The following PTPRD variants were observed in gnomAD, a reference collection of about 807,000 sequenced individuals.
PTPRD encodes receptor-type tyrosine-protein phosphatase delta.
Under a neutral mutation model 214.5 loss-of-function variants are expected in PTPRD, and 34 were observed. The observed-to-expected ratio is 0.16, with a 90% CI of 0.12 to 0.21. The LOEUF (loss-of-function observed/expected upper bound fraction) is 0.21, where lower values mean the gene tolerates loss of function less well. Ranked by LOEUF, PTPRD falls within the 10% of genes least tolerant of loss-of-function variation. PTPRD has a pLI of 1.00. For synonymous variants in PTPRD, 1,128 were observed against 845.7 expected, an observed-to-expected ratio of 1.33 and a Z score of -5.79; for missense variants, 2,545 against 2,398.7, an observed-to-expected ratio of 1.06 and a Z score of -1.27.
chr9:9,170,261 A>G (rs2099911854), intron 10 of PTPRD, among the ~76,000 whole-genome samples: 1 of 152,176 alleles, frequency 6.6e-6, no homozygotes. Context: ...ACCCATACCA[A>G]AAATGTTCAT....
intron 3 of PTPRD, among the ~76,000 whole-genome samples, chr9:10,198,686 G>A (rs975824954): frequency 6.6e-6 from 1 of 152,032 alleles, no homozygotes; most frequent in African/African-American, 2.4e-5. Context: ...CAACTGAAAA[G>A]GTTTACTTAA....
intron 27 of PTPRD, among the ~76,000 whole-genome samples, chr9:8,487,813 A>G (rs2097060156): frequency 1.4e-5 from 1 of 73,264 alleles, no homozygotes; most frequent in South Asian, 3.7e-4. Flanking sequence ...CCGTCTCAAA[A>G]ACAAACAAAC....
At chr9:8,352,970 G>A (rs2075926986) in intron 39 of PTPRD, among the ~76,000 whole-genome samples, 1 of 152,064 alleles carries the variant, frequency 6.6e-6, no homozygotes. Context: ...AATTAGCTGG[G>A]CGTGGTGGCA....
chr9:8,316,304 C>A lies in PTPRD; in HGVS notation c.*1570G>T. The A allele has an allele frequency of 4.3e-6, 1 of 230,772 alleles. No homozygotes were observed. The highest frequency in any genetic ancestry group is 8.6e-6 in the Non-Finnish European group (1 of 116,312). 14.3% of individuals were successfully genotyped at this position (230,772 alleles called of 1,614,324 possible). A position where few individuals can be genotyped will look rare whatever the true frequency, so the allele number is the denominator to read the frequency against. ...AGTGAATGGAAATACGAACCAAAAG[C>A]TAAAAAGAAATGCTATTAAAATAGG... On this transcript the variant is annotated 3_prime_UTR_variant, in exon 46 of 46. Transcript: ENST00000381196.
intron 9 of PTPRD, among the ~76,000 whole-genome samples, chr9:9,295,840 A>T (rs1952815821): frequency 6.6e-6 from 1 of 151,828 alleles, no homozygotes; most frequent in African/African-American, 2.4e-5. Context: ...AGCATAATTC[A>T]GAGGCAACGC....
At chr9:9,610,285 C>T (rs1279798657) in intron 7 of PTPRD, among the ~76,000 whole-genome samples, 1 of 152,040 alleles carries the variant, frequency 6.6e-6, no homozygotes, top group African/African-American at 2.4e-5. Context: ...CAAAAAAATG[C>T]CGTATGAAAA....
chr9:9,326,644 G>GA (rs199601192), intron 9 of PTPRD, among the ~76,000 whole-genome samples: 4 of 150,544 alleles, frequency 2.7e-5, no homozygotes, highest in Non-Finnish European at 2.9e-5. Context: ...GAGCATTGAA[G>GA]ATTTTTTTTT....
At chr9:9,784,196 G>T (rs1431698206) in intron 5 of PTPRD, among the ~76,000 whole-genome samples, 1 of 151,864 alleles carries the variant, frequency 6.6e-6, no homozygotes, top group East Asian at 1.9e-4. Flanking sequence ...TAGTTTTAAG[G>T]GTCATAGTTT....
chr9:10,567,508 G>A (rs1325819845), intron 2 of PTPRD, among the ~76,000 whole-genome samples: 1 of 152,028 alleles, frequency 6.6e-6, no homozygotes, highest in Non-Finnish European at 1.5e-5. Flanking sequence ...TATTTTGAAA[G>A]ACAATCTGAA....
At chr9:9,308,926 G>A (rs1418085548) in intron 9 of PTPRD, among the ~76,000 whole-genome samples, 4 of 151,896 alleles carry the variant, frequency 2.6e-5, no homozygotes, top group African/African-American at 9.7e-5. Flanking sequence ...AAACTATTGT[G>A]GTGAGATTTA....
intron 5 of PTPRD, among the ~76,000 whole-genome samples, chr9:9,907,522 C>A (rs182982777): frequency 5.9e-5 from 9 of 152,112 alleles, no homozygotes; most frequent in African/African-American, 2.2e-4. Context: ...ACACATATCA[C>A]TGATGTCTAT....
chr9:10,426,143 T>C (rs1203186845), intron 2 of PTPRD, among the ~76,000 whole-genome samples: 1 of 152,014 alleles, frequency 6.6e-6, no homozygotes, highest in African/African-American at 2.4e-5. Flanking sequence ...ATACCTTCCC[T>C]TGCATGTGAA....
chr9:9,569,573 C>T (rs1305732872), intron 8 of PTPRD, among the ~76,000 whole-genome samples: 2 of 151,436 alleles, frequency 1.3e-5, no homozygotes, highest in African/African-American at 4.8e-5. Flanking sequence ...CCTAACACTT[C>T]GTTATCAACA....
chr9:8,844,257 G>C (rs185216630), intron 11 of PTPRD, among the ~76,000 whole-genome samples: 60 of 152,134 alleles, frequency 3.9e-4, no homozygotes, highest in Non-Finnish European at 7.6e-4. Flanking sequence ...CTCAACACTA[G>C]TTGCAAAGAA....
At chr9:10,125,622 TTG>T (rs35164422) in intron 3 of PTPRD, among the ~76,000 whole-genome samples, 26,895 of 139,106 alleles carry the variant, frequency 0.19, 2,640 homozygotes, top group South Asian at 0.37. Context: ...GCTCGGCTAA[TTG>T]TGTGTGTGTG....
intron 8 of PTPRD, among the ~76,000 whole-genome samples, chr9:9,463,169 G>C (rs139636692): frequency 6.6e-6 from 1 of 152,118 alleles, no homozygotes; most frequent in African/African-American, 2.4e-5. Context: ...GGCTCTCCCA[G>C]TTGTGAGGTC....
intron 34 of PTPRD, 36 bp from the exon 35 acceptor site, chr9:8,436,725 AC>A (rs779150793): frequency 2.5e-5 from 37 of 1,510,092 alleles, no homozygotes; most frequent in South Asian, 1.6e-4. Context: ...ACATTTGAAA[AC>A]AAATGAAAAT....
chr9:8,451,900 G>A (rs1345574618), intron 33 of PTPRD: 2 of 500,478 alleles, frequency 4.0e-6, no homozygotes, highest in East Asian at 5.5e-5. Context: ...ACTCTTACAG[G>A]TATTGTAGGG....
chr9:8,401,668 C>G (rs1040950934), intron 36 of PTPRD, among the ~76,000 whole-genome samples: 1 of 152,098 alleles, frequency 6.6e-6, no homozygotes, highest in Non-Finnish European at 1.5e-5. Flanking sequence ...TTTAATTTTT[C>G]CCTGTTATTC....
Sources: allele counts gnomAD v4.1 joint callset (sites outside exome capture counted in the v4.1 genomes callset), GRCh38; gene constraint gnomAD v4.1.1; transcripts MANE v1.5; gene names NCBI Gene and HGNC (gene_info 2026-07-23, HGNC 2026-07-21).